NCKAP5: variants seen among roughly 807,000 people sequenced by gnomAD.
The protein encoded by NCKAP5 is NCK associated protein 5.
In NCKAP5, 92 loss-of-function variants were observed where a neutral mutation model predicts 167.0. The observed-to-expected ratio is 0.55, with a 90% confidence interval of 0.47 to 0.66. NCKAP5 has a LOEUF of 0.66. NCKAP5 is among the 30% of genes least tolerant of loss of function. The pLI, the probability that NCKAP5 is intolerant of heterozygous loss-of-function variation, is 0.00. For synonymous variants in NCKAP5, 891 were observed against 877.4 expected, an observed-to-expected ratio of 1.02 and a Z score of -0.27; for missense variants, 2,378 against 2,315.0, an observed-to-expected ratio of 1.03 and a Z score of -0.56.
chr2:132,693,274 T>A (rs1377047202), intron 19 of NCKAP5, among the ~76,000 whole-genome samples: 3 of 152,082 alleles, frequency 2.0e-5, no homozygotes, highest in African/African-American at 7.2e-5. Flanking sequence ...TGGAAATAGG[T>A]TTTTTAGATT....
intron 2 of NCKAP5, among the ~76,000 whole-genome samples, chr2:133,544,073 T>C (rs1686450058): frequency 6.6e-6 from 1 of 152,266 alleles, no homozygotes; most frequent in Non-Finnish European, 1.5e-5. Flanking sequence ...AAATAGCTGA[T>C]GATTTGTATC....
At chr2:133,076,721 C>T (rs1163774658) in intron 6 of NCKAP5, among the ~76,000 whole-genome samples, 9 of 152,178 alleles carry the variant, frequency 5.9e-5, no homozygotes, top group African/African-American at 2.2e-4. Flanking sequence ...GGTTTGCAAT[C>T]CTCATAACTA....
At chr2:132,983,462 T>G (rs1198454865) in intron 7 of NCKAP5, among the ~76,000 whole-genome samples, 2 of 152,166 alleles carry the variant, frequency 1.3e-5, no homozygotes, top group South Asian at 4.1e-4. Flanking sequence ...ATGGCTCTTA[T>G]TATGTTGAGG....
intron 5 of NCKAP5, among the ~76,000 whole-genome samples, chr2:133,184,590 A>G (rs963799721): frequency 2.6e-5 from 4 of 152,168 alleles, no homozygotes; most frequent in African/African-American, 9.6e-5. Context: ...CTAACAGTGT[A>G]TAAGTGTTCC....
At chr2:132,836,246 C>T (rs1687877976) in intron 11 of NCKAP5, among the ~76,000 whole-genome samples, 1 of 152,124 alleles carries the variant, frequency 6.6e-6, no homozygotes, top group Non-Finnish European at 1.5e-5. Flanking sequence ...CATCACATGC[C>T]TTTATTTCTT....
chr2:132,745,389 G>A (rs542407467), intron 16 of NCKAP5, among the ~76,000 whole-genome samples: 2 of 146,844 alleles, frequency 1.4e-5, no homozygotes, highest in African/African-American at 4.9e-5. Context: ...ATCCTTTCAT[G>A]ACAGACAAAA....
chr2:133,430,455 T>C (rs373599122), intron 3 of NCKAP5, among the ~76,000 whole-genome samples: 1 of 152,192 alleles, frequency 6.6e-6, no homozygotes, highest in South Asian at 2.1e-4. Flanking sequence ...CCTAAGCCAA[T>C]GACGTGAAGA....
chr2:133,497,355 A>G (rs1210169972), intron 3 of NCKAP5, among the ~76,000 whole-genome samples: 1 of 152,188 alleles, frequency 6.6e-6, no homozygotes, highest in Admixed American at 6.5e-5. Flanking sequence ...CCTTAATTAC[A>G]AGGAGACTGT....
At chr2:132,853,576 G>A (rs1008404711) in intron 11 of NCKAP5, among the ~76,000 whole-genome samples, 1 of 152,104 alleles carries the variant, frequency 6.6e-6, no homozygotes, top group Non-Finnish European at 1.5e-5. Flanking sequence ...CTAATTTTAG[G>A]AGGATATGAA....
rs998532796 is a variant in NCKAP5, at chr2:132,715,180, T to C, written c.5713+10447A>G. The stretch of plus-strand genomic sequence containing the variant: ...TTCTTCCCCCGATACCTGAAAAGAC[T>C]GCACCTTGCTTTTTCCTCTTGCACA... On this transcript the variant is annotated intron_variant, in intron 19 of 19. Transcript: ENST00000409261. 3.3e-5 allele frequency among the ~76,000 whole-genome samples: 5 copies of C among 152,242 alleles called. No individual in the cohort carries two copies. The South Asian group carries it at 6.2e-4, about 19-fold the overall frequency.
the NCKAP5 span, among the ~76,000 whole-genome samples, chr2:133,633,714 A>G: frequency 1.2e-3 from 186 of 152,302 alleles, 3 homozygotes; most frequent in Middle Eastern, 6.8e-3. Context: ...AAGCTCAGAA[A>G]TTTTATGTCA....
At chr2:132,680,051 A>G (rs1685006131) in intron 19 of NCKAP5, among the ~76,000 whole-genome samples, 2 of 152,152 alleles carry the variant, frequency 1.3e-5, no homozygotes, top group Non-Finnish European at 2.9e-5. Flanking sequence ...AAAAATAGAT[A>G]GAATGACCTT....
At chr2:132,778,838 T>C (rs1401865966) in intron 15 of NCKAP5, among the ~76,000 whole-genome samples, 2 of 152,166 alleles carry the variant, frequency 1.3e-5, no homozygotes, top group Non-Finnish European at 2.9e-5. Flanking sequence ...TGATAACATA[T>C]AATAAATGAG....
intron 16 of NCKAP5, among the ~76,000 whole-genome samples, chr2:132,758,188 G>C (rs1323152579): frequency 6.6e-6 from 1 of 152,160 alleles, no homozygotes; most frequent in African/African-American, 2.4e-5. Context: ...GTGATGTTGG[G>C]CTTTCCTTTG....
chr2:133,388,484 G>A (rs2150979762), intron 3 of NCKAP5, among the ~76,000 whole-genome samples: 1 of 152,356 alleles, frequency 6.6e-6, no homozygotes, highest in East Asian at 1.9e-4. Flanking sequence ...CTACTCGGGG[G>A]TCAGGGACCC....
chr2:132,720,409 T>C (rs911142498), intron 19 of NCKAP5, among the ~76,000 whole-genome samples: 2 of 152,208 alleles, frequency 1.3e-5, no homozygotes, highest in East Asian at 1.9e-4. Context: ...GTGTATTTAT[T>C]TCAGTGTGTT....
At chr2:133,610,330 T>A in the NCKAP5 span, among the ~76,000 whole-genome samples, 21 of 152,232 alleles carry the variant, frequency 1.4e-4, no homozygotes, top group African/African-American at 4.8e-4. Flanking sequence ...CAGATGAAGA[T>A]GAATTGGAGC....
intron 6 of NCKAP5, among the ~76,000 whole-genome samples, chr2:133,080,345 A>G (rs2080759200): frequency 6.6e-6 from 1 of 152,180 alleles, no homozygotes; most frequent in South Asian, 2.1e-4. Flanking sequence ...AACATCCCAT[A>G]TAATTTACAC....
intron 1 of NCKAP5, among the ~76,000 whole-genome samples, chr2:133,564,709 T>C (rs1688422899): frequency 6.6e-6 from 1 of 152,054 alleles, no homozygotes; most frequent in Non-Finnish European, 1.5e-5. Context: ...AGGACCGCAG[T>C]CTTCTCTCTT....
Sources: gnomAD v4.1 joint callset for allele counts (sites outside exome capture counted in the v4.1 genomes callset) on GRCh38, gnomAD v4.1.1 for gene constraint, MANE v1.5 for transcripts, NCBI Gene and HGNC (gene_info 2026-07-23, HGNC 2026-07-21) for gene names.